DMXL2: variants seen among roughly 807,000 people sequenced by gnomAD.
DMXL2 encodes the protein Dmx like 2.
A neutral mutation model predicts 331.1 loss-of-function variants in DMXL2; 103 were observed. That is an observed-to-expected ratio of 0.31 (90% CI 0.27 to 0.37). The LOEUF is 0.37. DMXL2 is among the 10% of genes least tolerant of loss of function. The pLI, the probability that DMXL2 is intolerant of heterozygous loss-of-function variation, is 1.00. For synonymous variants in DMXL2, 1,281 were observed against 1,252.1 expected (o/e 1.02, Z -0.49); for missense variants, 3,171 against 3,642.9 (o/e 0.87, Z 3.33).
At position 51,499,599 on chromosome 15, in the gene DMXL2, C is replaced by T; in HGVS notation, c.3625G>A (p.Asp1209Asn). ...GIVTEQTNSK[D>N]GVAVITLPLG... ...GGTAAAGTGATGACAGCTACTCCAT[C>T]CTTACTGTTGGTTTGCTCAGTCACA... Residue 1209 changes from aspartate (D) to asparagine (N), a missense_variant, in exon 18 of 44, where the codon GAT (aspartate) becomes AAT (asparagine). Physicochemically the swap from Asp to Asn is conservative, Grantham distance 23 (BLOSUM62 1). Coordinates refer to ENST00000560891, the MANE Select transcript of DMXL2 (RefSeq NM_001378457.1). The T allele has an allele frequency of 6.2e-7, 1 of 1,614,132 alleles. No homozygotes were observed. Among genetic ancestry groups the T allele is most frequent in the Non-Finnish European group, 8.5e-7 (1 of 1,180,010 alleles).
intron 11 of DMXL2, 45 bp downstream of exon 11, chr15:51,537,443 T>A (rs1340699626): frequency 6.6e-7 from 1 of 1,516,738 alleles, no homozygotes; most frequent in Admixed American, 2.0e-5. Flanking sequence ...TATTTCTTTT[T>A]ACTATTTTAA....
intron 1 of DMXL2, among the ~76,000 whole-genome samples, chr15:51,601,668 G>GTC (rs1427020599): frequency 6.6e-6 from 1 of 152,148 alleles, no homozygotes. Context: ...ACTTTTATAA[G>GTC]TCTTGAGCTG....
chr15:51,525,122 A>G (rs1439157648), intron 13 of DMXL2, among the ~76,000 whole-genome samples: 2 of 151,640 alleles, frequency 1.3e-5, no homozygotes, highest in Non-Finnish European at 2.9e-5. Context: ...TATTTCCCAC[A>G]CGACATTTGT....
At chr15:51,547,081 T>C in intron 7 of DMXL2, 149 bp downstream of exon 7, 1 of 706,452 alleles carries the variant, frequency 1.4e-6, no homozygotes, top group East Asian at 2.9e-5. Context: ...CAAAAACTCA[T>C]GAAGCTAATA....
In DMXL2 at chr15:51,499,526, A is replaced by C. The variant is rs2043434320; in HGVS notation, c.3698T>G (p.Leu1233Arg). ...AGAAGATACCAAGTCTATAGATCTA[A>C]GAAGAACCCATCTTGACTTAACTCC... is the stretch of plus-strand genomic sequence containing the variant. ...KQGVKSRWVL[L>R]RSIDLVSSVD... The change falls in exon 18 of 44, where the codon CTT becomes CGT. Residue 1233 changes from leucine to arginine, a missense_variant. Transcript: ENST00000560891. 6.2e-7 allele frequency: 1 copy of C among 1,613,952 alleles called. No homozygotes were observed. The highest frequency in any genetic ancestry group is 1.3e-5 in the African/African-American group (1 of 74,934).
intron 13 of DMXL2, among the ~76,000 whole-genome samples, chr15:51,521,065 T>C (rs539496281): frequency 2.0e-4 from 31 of 152,234 alleles, no homozygotes; most frequent in African/African-American, 7.5e-4. Flanking sequence ...TATACTCACA[T>C]TTCATCAATT....
intron 1 of DMXL2, among the ~76,000 whole-genome samples, chr15:51,608,921 G>C (rs995373603): frequency 6.6e-6 from 1 of 152,154 alleles, no homozygotes; most frequent in Non-Finnish European, 1.5e-5. Flanking sequence ...TAACATATGG[G>C]TAAATCTAAG....
chr15:51,608,058 A>G (rs2053709913), intron 1 of DMXL2, among the ~76,000 whole-genome samples: 1 of 151,912 alleles, frequency 6.6e-6, no homozygotes, highest in Non-Finnish European at 1.5e-5. Context: ...GGTGGTGCGC[A>G]CCTGTAATCC....
intron 1 of DMXL2, among the ~76,000 whole-genome samples, chr15:51,590,179 T>C (rs1034287685): frequency 8.5e-5 from 13 of 152,218 alleles, no homozygotes; most frequent in Admixed American, 2.0e-4. Context: ...CAGCAAGCTA[T>C]GATGTGGTCT....
chr15:51,550,419 T>A (rs2049143505), intron 6 of DMXL2, among the ~76,000 whole-genome samples: 2 of 152,174 alleles, frequency 1.3e-5, no homozygotes, highest in African/African-American at 4.8e-5. Context: ...TATGAAGTGA[T>A]GTTATAATTC....
Position 51,572,248 on chromosome 15 carries a change from C to T in DMXL2, c.214-3690G>A, listed in dbSNP as rs1285507495. Among the ~76,000 whole-genome samples, 2 of 120,744 alleles carry T rather than the reference C, an allele frequency of 1.7e-5. 1 individual carries two copies. The highest frequency in any genetic ancestry group is 3.9e-5 in the Non-Finnish European group (2 of 51,774). 79.2% of individuals were successfully genotyped at this position (120,744 alleles called of 152,430 possible). On this transcript the variant is annotated intron_variant, in intron 2 of 43. Transcript: ENST00000560891. Reference sequence around the variant, plus strand: ...ATACTAAACCAGGAAGAAGTTGAATCCCTGAATAGACCAATAAGAGGTTCT... The same window carrying T: ...ATACTAAACCAGGAAGAAGTTGAATTCCTGAATAGACCAATAAGAGGTTCT...
At chr15:51,544,611 A>G (rs1057265560) in intron 8 of DMXL2, among the ~76,000 whole-genome samples, 3 of 152,176 alleles carry the variant, frequency 2.0e-5, no homozygotes, top group Admixed American at 6.6e-5. Flanking sequence ...AAGTTGTATA[A>G]TATTTCTGCT....
At position 51,488,119 on chromosome 15, in the gene DMXL2, C is replaced by G. The variant is rs778447403; in HGVS notation, c.5052G>C (p.Arg1684Ser). 6.3e-7 allele frequency: 1 copy of G among 1,597,208 alleles called. No individual in the cohort carries two copies. Among genetic ancestry groups the G allele is most frequent in the Non-Finnish European group, 8.5e-7 (1 of 1,172,872 alleles). The change falls in exon 22 of 44, where the codon AGG becomes AGC. Residue 1684 changes from arginine (R) to serine (S), a missense_variant and splice_region_variant. Physicochemically the swap from Arg to Ser is moderately radical, Grantham distance 110. Transcript: ENST00000560891. ...KKKAVVWGLF[R>S]SQHDEKMTTF... is the part of the protein sequence containing the mutation. ...TTGTCATTTTTTCATCATGCTGTGA[C>G]CTGGGGACCGAGCATAAACATAAAG...
At chr15:51,602,608 T>C (rs1191613748) in intron 1 of DMXL2, among the ~76,000 whole-genome samples, 1 of 152,178 alleles carries the variant, frequency 6.6e-6, no homozygotes, top group Non-Finnish European at 1.5e-5. Context: ...CCCCAGGCTG[T>C]GCAAGCATAA....
chr15:51,541,015 T>C (rs963897174), intron 9 of DMXL2, among the ~76,000 whole-genome samples: 3 of 152,194 alleles, frequency 2.0e-5, no homozygotes, highest in African/African-American at 4.8e-5. Flanking sequence ...CTATCACGAA[T>C]TGCATTTTGT....
chr15:51,520,376 C>A (rs1196781093), intron 13 of DMXL2, among the ~76,000 whole-genome samples: 1 of 152,066 alleles, frequency 6.6e-6, no homozygotes, highest in African/African-American at 2.4e-5. Flanking sequence ...GTCAGTTAAC[C>A]CAGAGAATCA....
At chr15:51,523,877 A>G (rs2047516504) in intron 13 of DMXL2, among the ~76,000 whole-genome samples, 1 of 152,252 alleles carries the variant, frequency 6.6e-6, no homozygotes, top group Admixed American at 6.5e-5. Context: ...AATTCACAAT[A>G]TAGTTGGAGA....
Position 51,622,344 on chromosome 15 carries a change from T to A in DMXL2, c.87+115A>T. 3.6e-6 allele frequency: 5 copies of A among 1,384,446 alleles called. No individual in the cohort carries two copies. In the South Asian group the frequency reaches 6.5e-5, roughly 18 times the overall value. 85.8% of individuals were successfully genotyped at this position (1,384,446 alleles called of 1,614,324 possible). A position where few individuals can be genotyped will look rare whatever the true frequency, so the allele number is the denominator to read the frequency against. On this transcript the variant is annotated intron_variant, in intron 1 of 43. Coordinates refer to ENST00000560891, the MANE Select transcript of DMXL2 (RefSeq NM_001378457.1). ...CCCAAGGCTGCAAAGGGGCCACGGG[T>A]GGGGCCCACCAACATCTCACAGCCT...
At chr15:51,493,082 G>T (rs1595996231) in intron 19 of DMXL2, among the ~76,000 whole-genome samples, 1 of 151,888 alleles carries the variant, frequency 6.6e-6, no homozygotes, top group Non-Finnish European at 1.5e-5. Flanking sequence ...ACATGTCTTG[G>T]CTGCCACTAT....
Sources: allele counts gnomAD v4.1 joint callset (sites outside exome capture counted in the v4.1 genomes callset), GRCh38; gene constraint gnomAD v4.1.1; transcripts MANE v1.5; gene names NCBI Gene and HGNC (gene_info 2026-07-23, HGNC 2026-07-21).